CDH7: variants seen among roughly 807,000 people sequenced by gnomAD.
CDH7 encodes the protein cadherin 7, also known as cadherin-7.
A neutral mutation model predicts 71.8 loss-of-function variants in CDH7; 25 were observed. The ratio of observed to expected loss-of-function variants is 0.35; its 90% CI spans 0.25 to 0.49. The LOEUF is 0.49. Among genes scored for constraint, CDH7 ranks in the 20% least tolerant of loss-of-function variants. The pLI, the probability that CDH7 is intolerant of heterozygous loss-of-function variation, is 0.99. For synonymous variants in CDH7, 381 were observed against 363.8 expected (o/e 1.05, Z -0.54); for missense variants, 862 against 974.6 (o/e 0.88, Z 1.54).
In CDH7 at chr18:65,887,374, T is replaced by A. The variant is rs1350354755; in HGVS notation, c.*6480T>A. On this transcript the variant is annotated 3_prime_UTR_variant, in exon 12 of 12. Coordinates refer to ENST00000397968, the MANE Select transcript of CDH7 (RefSeq NM_004361.5). ...CTGGTGTGCGGCACCCATTAACTCG[T>A]CATTTAGCATTAGGTATATCTCCTA... 1 of 151,858 alleles carries A rather than the reference T, an allele frequency of 6.6e-6. No individual in the cohort carries two copies. The allele number at this position is 151,858 out of a possible 1,614,324, so 9.4% of individuals were successfully genotyped here. A position where few individuals can be genotyped will look rare whatever the true frequency, so the allele number is the denominator to read the frequency against.
At chr18:65,818,110 G>A (rs903118245) in intron 4 of CDH7, among the ~76,000 whole-genome samples, 2 of 152,060 alleles carry the variant, frequency 1.3e-5, no homozygotes, top group Non-Finnish European at 2.9e-5. Context: ...TCATAATAGA[G>A]TATTTTTAAA....
intron 3 of CDH7, among the ~76,000 whole-genome samples, chr18:65,813,807 A>C (rs2143916090): frequency 6.6e-6 from 1 of 152,334 alleles, no homozygotes; most frequent in Non-Finnish European, 1.5e-5. Context: ...GAAAGAATAT[A>C]ACATTTCATC....
chr18:65,868,357 A>C (rs1297808519), intron 11 of CDH7, among the ~76,000 whole-genome samples: 1 of 152,246 alleles, frequency 6.6e-6, no homozygotes, highest in Non-Finnish European at 1.5e-5. Context: ...CATTTTATAT[A>C]AGAAAACTAC....
At chr18:65,833,066 T>C (rs1912408757) in intron 6 of CDH7, among the ~76,000 whole-genome samples, 1 of 152,202 alleles carries the variant, frequency 6.6e-6, no homozygotes, top group Non-Finnish European at 1.5e-5. Flanking sequence ...AATTTTGCTG[T>C]GCTAGATTCA....
chr18:65,768,230 T>A (rs1015090232), intron 2 of CDH7, among the ~76,000 whole-genome samples: 2 of 152,050 alleles, frequency 1.3e-5, no homozygotes, highest in African/African-American at 2.4e-5. Context: ...TTGTTTTTTT[T>A]TTTTATTTTT....
chr18:65,844,197 A>ATATATATAT lies in CDH7; in HGVS notation c.1235+132_1235+133insTATATATAT, dbSNP rs1297136960. The ATATATATAT allele has an allele frequency of 1.9e-4, 46 of 242,054 alleles. 4 individuals are homozygous for ATATATATAT. The highest frequency in any genetic ancestry group is 2.8e-4 in the Non-Finnish European group (37 of 131,100). 15.0% of individuals were successfully genotyped at this position (242,054 alleles called of 1,614,324 possible). On this transcript the variant is annotated intron_variant, in intron 7 of 11. Transcript: ENST00000397968. ...CAGATATATATATATATCGAGTTAT[A>ATATATATAT]ACAGCAGAGGTAAAACAGCATTAGA...
intron 11 of CDH7, among the ~76,000 whole-genome samples, chr18:65,868,484 C>T (rs2144050137): frequency 6.6e-6 from 1 of 152,278 alleles, no homozygotes; most frequent in African/African-American, 2.4e-5. Flanking sequence ...ATATATGTTT[C>T]CCCACGTGAA....
rs1914256197 is a variant in CDH7 at position 65,882,369 on chromosome 18, TA to T, written c.*1476del. ...ATATACATTCAAGTAAGAATGGATT[TA>T]TTTTTTCCTTCCTTTCTCCTTTTAA... On this transcript the variant is annotated 3_prime_UTR_variant, in exon 12 of 12. Transcript: ENST00000397968. 6.6e-6 allele frequency: 1 copy of T among 152,176 alleles called. No individual in the cohort carries two copies. Among genetic ancestry groups the T allele is most frequent in the Non-Finnish European group, 1.5e-5 (1 of 68,000 alleles). 9.4% of individuals were successfully genotyped at this position (152,176 alleles called of 1,614,324 possible).
chr18:65,839,752 A>G lies in CDH7; in HGVS notation c.982-4060A>G, dbSNP rs183950322. ...ATAAAGTTGTGTGAGAAAGAAATGC[A>G]ATTTTTGAATCATCTGAGAAAGAAG... On this transcript the variant is annotated intron_variant, in intron 6 of 11. Transcript: ENST00000397968. 3.9e-5 allele frequency among the ~76,000 whole-genome samples: 6 copies of G among 152,282 alleles called. No homozygotes were observed. The East Asian group carries it at 1.2e-3, about 29-fold the overall frequency.
intron 2 of CDH7, among the ~76,000 whole-genome samples, chr18:65,781,815 CTTCCTTCTTTCTTTCT>C (rs1202246954): frequency 1.0e-4 from 6 of 58,360 alleles, no homozygotes; most frequent in East Asian, 1.1e-3. Flanking sequence ...TCCTTCCTTC[CTTCCTTCTTTCTTTCT>C]TTCTTTCTTT....
intron 2 of CDH7, among the ~76,000 whole-genome samples, chr18:65,801,969 C>T (rs1911140615): frequency 6.6e-6 from 1 of 152,182 alleles, no homozygotes; most frequent in Admixed American, 6.5e-5. Context: ...ACATGCATAC[C>T]TTCTCCAAAA....
intron 6 of CDH7, among the ~76,000 whole-genome samples, chr18:65,832,745 G>T (rs961798406): frequency 1.3e-5 from 2 of 151,988 alleles, no homozygotes; most frequent in South Asian, 2.1e-4. Flanking sequence ...GTTTCACCTA[G>T]AATTCTTTCT....
At chr18:65,782,164 T>C (rs1274072566) in intron 2 of CDH7, among the ~76,000 whole-genome samples, 1 of 116,806 alleles carries the variant, frequency 8.6e-6, no homozygotes, top group Non-Finnish European at 1.6e-5. Flanking sequence ...CTTTCTTTCT[T>C]CCTTTCTTTC....
At chr18:65,751,488 A>G (rs1038249752) in intron 1 of CDH7, among the ~76,000 whole-genome samples, 1 of 152,114 alleles carries the variant, frequency 6.6e-6, no homozygotes, top group African/African-American at 2.4e-5. Flanking sequence ...CACTCTCCTC[A>G]AAGAGGACCA....
chr18:65,772,617 A>G (rs1598992641), intron 2 of CDH7, among the ~76,000 whole-genome samples: 1 of 152,216 alleles, frequency 6.6e-6, no homozygotes, highest in Non-Finnish European at 1.5e-5. Flanking sequence ...AAAGTCATAC[A>G]TAAGGCTTAT....
chr18:65,800,755 C>A (rs73966306), intron 2 of CDH7, among the ~76,000 whole-genome samples: 1,698 of 152,014 alleles, frequency 0.011, 32 homozygotes, highest in African/African-American at 0.039. Flanking sequence ...GTGATAAGAC[C>A]TCTTTTTATA....
At position 65,887,589 on chromosome 18, in the gene CDH7, G is replaced by A. The variant is rs148836814; in HGVS notation, c.*6695G>A. 7.7e-4 allele frequency: 117 copies of A among 152,150 alleles called. 1 individual carries two copies. Among genetic ancestry groups the A allele is most frequent in the African/African-American group, 2.5e-3 (103 of 41,512 alleles). The allele number at this position is 152,150 out of a possible 1,614,324, so 9.4% of individuals were successfully genotyped here. On this transcript the variant is annotated 3_prime_UTR_variant, in exon 12 of 12. Coordinates refer to ENST00000397968, the MANE Select transcript of CDH7 (RefSeq NM_004361.5). ...GTATTTGTCTTTGAATTTTGTGTGCGTATGTGTGTGTGTATATATAGACAG... is the reference window on the plus strand; with the variant it reads ...GTATTTGTCTTTGAATTTTGTGTGCATATGTGTGTGTGTATATATAGACAG...
chr18:65,778,271 CAAAAAAA>C (rs148841669), intron 2 of CDH7, among the ~76,000 whole-genome samples: 2 of 84,332 alleles, frequency 2.4e-5, no homozygotes, highest in Non-Finnish European at 5.5e-5. Context: ...GACTCTGTCT[CAAAAAAA>C]AAAAAAAAAA....
At position 65,862,697 on chromosome 18, in the gene CDH7, C is replaced by T. The variant is rs201927995; in HGVS notation, c.1644C>T (p.Asn548=). ...CAGCCTCAATACTGACCAGGAGAAA[C>T]GGCTTCCGGAGACAGGAACAATCAG... The part of the protein sequence containing the change: ...DNTASILTRR[N]GFRRQEQSVY... Residue 548 remains asparagine, a synonymous_variant, in exon 11 of 12, where the codon AAC becomes AAT. Coordinates refer to ENST00000397968, the MANE Select transcript of CDH7 (RefSeq NM_004361.5). The T allele has an allele frequency of 6.0e-5, 97 of 1,614,062 alleles. No homozygotes were observed. The highest frequency in any genetic ancestry group is 3.2e-4 in the Admixed American group (19 of 60,032).
Sources: allele counts gnomAD v4.1 joint callset (sites outside exome capture counted in the v4.1 genomes callset), GRCh38; gene constraint gnomAD v4.1.1; transcripts MANE v1.5; gene names NCBI Gene and HGNC (gene_info 2026-07-23, HGNC 2026-07-21).